ADD3: variants seen among roughly 807,000 people sequenced by gnomAD.
ADD3 encodes gamma-adducin.
Under a neutral mutation model 80.2 loss-of-function variants are expected in ADD3, and 25 were observed. That is an observed-to-expected ratio of 0.31 (90% CI 0.23 to 0.44). ADD3 has a LOEUF of 0.44. ADD3 is among the 20% of genes least tolerant of loss of function. The probability of loss-of-function intolerance (pLI) is 1.00; values close to 1 mark genes in which losing one functional copy is unlikely to be tolerated. For missense variants in ADD3, 829 were observed against 847.5 expected (o/e 0.98, Z 0.27); for synonymous variants, 284 against 289.6 (o/e 0.98, Z 0.20).
At chr10:110,069,490 G>A (rs1844404976) in intron 1 of ADD3, among the ~76,000 whole-genome samples, 1 of 151,806 alleles carries the variant, frequency 6.6e-6, no homozygotes, top group South Asian at 2.1e-4. Flanking sequence ...CAGCTTTCTG[G>A]GCCAGTGAAC....
chr10:110,008,538 G>T (rs1851918656), intron 1 of ADD3, among the ~76,000 whole-genome samples: 1 of 152,180 alleles, frequency 6.6e-6, no homozygotes, highest in South Asian at 2.1e-4. Context: ...TGCGGGGGAG[G>T]GTCCGGGGGT....
At chr10:110,054,994 C>G (rs1161843345) in intron 1 of ADD3, among the ~76,000 whole-genome samples, 1 of 152,070 alleles carries the variant, frequency 6.6e-6, no homozygotes, top group Non-Finnish European at 1.5e-5. Flanking sequence ...AACTCCTGAC[C>G]TCGTGATCCG....
At chr10:110,044,668 TA>T (rs1279427913) in intron 1 of ADD3, among the ~76,000 whole-genome samples, 1 of 152,194 alleles carries the variant, frequency 6.6e-6, no homozygotes, top group Non-Finnish European at 1.5e-5. Context: ...AATAAAATTG[TA>T]GACTAAAGAA....
At chr10:110,088,758 TTG>T (rs2133844216) in intron 1 of ADD3, among the ~76,000 whole-genome samples, 1 of 152,360 alleles carries the variant, frequency 6.6e-6, no homozygotes, top group East Asian at 1.9e-4. Flanking sequence ...TAATATTTTT[TTG>T]TGTATTTTCC....
chr10:110,086,800 C>G (rs956107351), intron 1 of ADD3, among the ~76,000 whole-genome samples: 1 of 152,080 alleles, frequency 6.6e-6, no homozygotes, highest in African/African-American at 2.4e-5. Flanking sequence ...TCAGGTAGTT[C>G]TTTACATCAG....
chr10:110,090,608 T>C (rs1847381486), intron 1 of ADD3, among the ~76,000 whole-genome samples: 1 of 152,230 alleles, frequency 6.6e-6, no homozygotes, highest in South Asian at 2.1e-4. Context: ...TTTGTTCCAA[T>C]TGTACAATCA....
chr10:110,024,064 G>A (rs1040747293), intron 1 of ADD3, among the ~76,000 whole-genome samples: 2 of 152,144 alleles, frequency 1.3e-5, no homozygotes, highest in Admixed American at 6.5e-5. Flanking sequence ...CCAGCACAAT[G>A]CTTACTTCCT....
chr10:110,085,888 C>T (rs1444051280), intron 1 of ADD3, among the ~76,000 whole-genome samples: 2 of 151,272 alleles, frequency 1.3e-5, no homozygotes, highest in African/African-American at 4.9e-5. Context: ...GGCAGATCAC[C>T]TGAGGTCGGG....
chr10:110,079,531 T>C (rs1201048074), intron 1 of ADD3, among the ~76,000 whole-genome samples: 2 of 148,854 alleles, frequency 1.3e-5, no homozygotes, highest in South Asian at 2.2e-4. Flanking sequence ...TTAATACATA[T>C]AAAATTATAC....
At chr10:110,078,487 T>C (rs1845637772) in intron 1 of ADD3, among the ~76,000 whole-genome samples, 1 of 152,202 alleles carries the variant, frequency 6.6e-6, no homozygotes, top group African/African-American at 2.4e-5. Flanking sequence ...ATTTACTTTT[T>C]AATATCTGAG....
intron 1 of ADD3, among the ~76,000 whole-genome samples, chr10:110,093,597 C>G (rs1257518305): frequency 6.6e-6 from 1 of 152,164 alleles, no homozygotes; most frequent in East Asian, 1.9e-4. Context: ...GTCTCCTTTT[C>G]AGATGGACTT....
At chr10:110,109,218 T>A (rs1849714496) in intron 2 of ADD3, among the ~76,000 whole-genome samples, 1 of 152,170 alleles carries the variant, frequency 6.6e-6, no homozygotes, top group African/African-American at 2.4e-5. Flanking sequence ...CTTGAGTACC[T>A]GGTTGATTTT....
chr10:110,095,749 AC>A (rs1334992687), intron 1 of ADD3, among the ~76,000 whole-genome samples: 2 of 152,376 alleles, frequency 1.3e-5, no homozygotes, highest in African/African-American at 4.8e-5. Context: ...AAATAATGAT[AC>A]AGCCATACCA....
chr10:110,112,979 C>T, intron 3 of ADD3, 64 bp downstream of exon 3: 2 of 1,532,374 alleles, frequency 1.3e-6, no homozygotes, highest in Non-Finnish European at 1.8e-6. Flanking sequence ...CACTATACAT[C>T]TCTAGCAGCA....
intron 1 of ADD3, among the ~76,000 whole-genome samples, chr10:110,083,470 C>T (rs545070770): frequency 2.0e-5 from 3 of 151,738 alleles, no homozygotes; most frequent in East Asian, 3.9e-4. Context: ...GAGCCGAGAT[C>T]GCGCCACTGC....
rs577871348 is a variant in ADD3 at position 110,117,912 on chromosome 10, A to G, written c.567+490A>G. Among the ~76,000 whole-genome samples, 3 of 152,086 alleles carry G rather than the reference A, an allele frequency of 2.0e-5. No individual in the cohort carries two copies. The South Asian group carries it at 6.2e-4, about 32-fold the overall frequency. On this transcript the variant is annotated intron_variant, in intron 5 of 14. Coordinates refer to ENST00000356080, the MANE Select transcript of ADD3 (RefSeq NM_016824.5). ...ACACCTGTAATCCCGGCTACTCGGG[A>G]GGCTGAGGCAGGAGAATCGCTTGAA...
intron 6 of ADD3, 43 bp downstream of exon 6, chr10:110,118,779 G>A (rs41291888): frequency 0.028 from 44,173 of 1,587,434 alleles, 732 homozygotes; most frequent in Middle Eastern, 0.059. Context: ...GCTGGAAGAT[G>A]TATTATTTTT....
At chr10:110,025,422 G>A (rs950990099) in intron 1 of ADD3, among the ~76,000 whole-genome samples, 6 of 152,046 alleles carry the variant, frequency 3.9e-5, no homozygotes, top group African/African-American at 1.2e-4. Context: ...TGCCTCCATG[G>A]TTCAATTAAA....
At chr10:110,047,272 C>G (rs1362334677) in intron 1 of ADD3, among the ~76,000 whole-genome samples, 1 of 152,202 alleles carries the variant, frequency 6.6e-6, no homozygotes, top group Non-Finnish European at 1.5e-5. Flanking sequence ...GATTTGCCGA[C>G]TTAACACACT....
Sources: gnomAD v4.1 joint callset for allele counts (sites outside exome capture counted in the v4.1 genomes callset) on GRCh38, gnomAD v4.1.1 for gene constraint, MANE v1.5 for transcripts, NCBI Gene and HGNC (gene_info 2026-07-23, HGNC 2026-07-21) for gene names.